The following DPPA2 variants were observed in gnomAD, a reference collection of about 807,000 sequenced individuals.
The protein encoded by DPPA2 is developmental pluripotency-associated protein 2.
DPPA2 carries 26 observed loss-of-function variants against 36.2 expected under a neutral mutation model. That is an observed-to-expected ratio of 0.72 (90% CI 0.53 to 1.00). The LOEUF (loss-of-function observed/expected upper bound fraction) is 1.00. Among genes scored for constraint, DPPA2 ranks in the 50% least tolerant of loss-of-function variants. The probability of loss-of-function intolerance (pLI) is 0.00; values close to 1 mark genes in which losing one functional copy is unlikely to be tolerated. For synonymous variants in DPPA2, 113 were observed against 123.2 expected (o/e 0.92, Z 0.55); for missense variants, 361 against 365.1 (o/e 0.99, Z 0.09).
At chr3:109,304,787 A>T in intron 6 of DPPA2, 117 bp from the exon 7 acceptor site, 1 of 1,002,750 alleles carries the variant, frequency 1.0e-6, no homozygotes, top group Non-Finnish European at 1.4e-6. Context: ...ATTGAATGAG[A>T]TGCATGAAAA....
At chr3:109,314,409 C>A in intron 2 of DPPA2, 101 bp downstream of exon 2, 1 of 1,234,710 alleles carries the variant, frequency 8.1e-7, no homozygotes, top group South Asian at 1.9e-5. Context: ...TTTCTTACAT[C>A]CAGGAATGAA....
rs1467145247 is a variant in DPPA2, at chr3:109,312,397, G to C, written c.181+148C>G. ...TGGGCTTAGCAAGCGAGAAGTATGAGAGTTTGCAAAATTTCTTAACACAGA... is the reference window on the plus strand; with the variant it reads ...TGGGCTTAGCAAGCGAGAAGTATGACAGTTTGCAAAATTTCTTAACACAGA... On this transcript the variant is annotated intron_variant, in intron 3 of 8. Coordinates refer to ENST00000478945, the MANE Select transcript of DPPA2 (RefSeq NM_138815.4). 5 of 976,556 alleles carry C rather than the reference G, an allele frequency of 5.1e-6. No homozygotes were observed. The East Asian group carries it at 7.4e-5, about 14-fold the overall frequency. 60.5% of individuals were successfully genotyped at this position (976,556 alleles called of 1,614,324 possible).
At position 109,309,150 on chromosome 3, in the gene DPPA2, A is replaced by T. The variant is rs147277053; in HGVS notation, c.342+20T>A. The T allele has an allele frequency of 3.9e-3, 6,274 of 1,614,162 alleles. 57 individuals are homozygous for T. The highest frequency in any genetic ancestry group is 3.4e-3 in the Non-Finnish European group (4,059 of 1,180,028). On this transcript the variant is annotated intron_variant, in intron 4 of 8. Transcript: ENST00000478945. ...CCCATAATTATTCCCAGCAGCAGAT[A>T]TTCACCCAAGTGTACTAACCTTGCC... is the stretch of plus-strand genomic sequence containing the variant.
At chr3:109,309,105 G>A (rs760166607) in intron 4 of DPPA2, 26 bp from the exon 5 acceptor site, 1 of 1,614,128 alleles carries the variant, frequency 6.2e-7, no homozygotes, top group Non-Finnish European at 8.5e-7. Flanking sequence ...GAGAGATTAA[G>A]TTAAAAGTTG....
chr3:109,312,446 G>A, intron 3 of DPPA2, 99 bp downstream of exon 3: 2 of 1,387,708 alleles, frequency 1.4e-6, no homozygotes. Flanking sequence ...ATTTAAGCTG[G>A]GTGTTGTATA....
chr3:109,308,345 A>T (rs1195174728), intron 5 of DPPA2, 52 bp from the exon 6 acceptor site: 13 of 1,560,440 alleles, frequency 8.3e-6, no homozygotes, highest in Non-Finnish European at 1.0e-5. Context: ...GGCTGTAAGG[A>T]CTTTTGGGTC....
At chr3:109,305,802 A>G (rs1281147907) in intron 6 of DPPA2, among the ~76,000 whole-genome samples, 1 of 151,390 alleles carries the variant, frequency 6.6e-6, no homozygotes, top group Non-Finnish European at 1.5e-5. Flanking sequence ...ACGCGTAAGG[A>G]ACAATTTAAG....
intron 8 of DPPA2, among the ~76,000 whole-genome samples, chr3:109,294,748 G>C (rs781528253): frequency 6.6e-6 from 1 of 152,156 alleles, no homozygotes; most frequent in African/African-American, 2.4e-5. Flanking sequence ...TATTAGCTGG[G>C]CGCGGCGGCT....
intron 2 of DPPA2, 125 bp from the exon 3 acceptor site, chr3:109,312,817 G>C (rs1707733696): frequency 6.7e-6 from 8 of 1,198,604 alleles, no homozygotes; most frequent in Non-Finnish European, 9.2e-6. Flanking sequence ...AGAATTACTG[G>C]GATTCCTAGA....
At chr3:109,313,824 A>C (rs1707747067) in intron 2 of DPPA2, among the ~76,000 whole-genome samples, 1 of 152,202 alleles carries the variant, frequency 6.6e-6, no homozygotes, top group African/African-American at 2.4e-5. Flanking sequence ...TATTTAGGGA[A>C]TACTACTCTA....
chr3:109,314,424 T>C, intron 2 of DPPA2, 86 bp downstream of exon 2: 3 of 1,357,540 alleles, frequency 2.2e-6, no homozygotes, highest in Admixed American at 2.1e-5. Context: ...AATGAAGATT[T>C]GTGGTAAAAG....
intron 6 of DPPA2, among the ~76,000 whole-genome samples, chr3:109,305,023 G>A (rs1195599563): frequency 6.6e-6 from 1 of 152,080 alleles, no homozygotes; most frequent in Non-Finnish European, 1.5e-5. Flanking sequence ...GCACATGCCT[G>A]TAATCCCAGC....
chr3:109,296,266 A>C (rs568326414), intron 8 of DPPA2, among the ~76,000 whole-genome samples: 1 of 152,282 alleles, frequency 6.6e-6, no homozygotes, highest in East Asian at 1.9e-4. Context: ...CAAATAGAAA[A>C]TCGTAAAAGT....
At chr3:109,294,736 T>C (rs1396521463) in intron 8 of DPPA2, among the ~76,000 whole-genome samples, 5 of 152,192 alleles carry the variant, frequency 3.3e-5, no homozygotes, top group Non-Finnish European at 7.3e-5. Context: ...AGAAAAACTG[T>C]TTATTAGCTG....
intron 2 of DPPA2, among the ~76,000 whole-genome samples, chr3:109,313,856 C>A (rs550978446): frequency 5.9e-5 from 9 of 152,244 alleles, no homozygotes; most frequent in Admixed American, 1.3e-4. Context: ...AGTAGGGGCT[C>A]AAAGCAGCTA....
intron 3 of DPPA2, among the ~76,000 whole-genome samples, chr3:109,311,462 G>A (rs527608745): frequency 1.2e-4 from 19 of 152,122 alleles, no homozygotes; most frequent in Non-Finnish European, 2.2e-4. Context: ...TATTTGGGCC[G>A]GTCGCAGTGG....
In DPPA2 at chr3:109,315,676, A is replaced by G. The variant is rs558313218; in HGVS notation, c.-14+608T>C. Among the ~76,000 whole-genome samples, 8 of 152,222 alleles carry G rather than the reference A, an allele frequency of 5.3e-5. No individual in the cohort carries two copies. The South Asian group carries it at 1.5e-3, about 28-fold the overall frequency. On this transcript the variant is annotated intron_variant, in intron 1 of 8. Transcript: ENST00000478945. ...GAAAATGATTTGGTCCATTAATCTC[A>G]GGACCCAGGGTGACCATGGTCCATT...
chr3:109,305,100 C>G (rs1707530839), intron 6 of DPPA2, among the ~76,000 whole-genome samples: 1 of 151,948 alleles, frequency 6.6e-6, no homozygotes, highest in Admixed American at 6.6e-5. Flanking sequence ...GAGCTGAGAT[C>G]ACACCACTGC....
At chr3:109,302,739 G>A (rs1437817750) in intron 7 of DPPA2, among the ~76,000 whole-genome samples, 8 of 130,826 alleles carry the variant, frequency 6.1e-5, no homozygotes, top group Non-Finnish European at 1.3e-4. Flanking sequence ...GGTGTGAGCC[G>A]ATTTAGCCCA....
Sources: allele counts gnomAD v4.1 joint callset (sites outside exome capture counted in the v4.1 genomes callset), GRCh38; gene constraint gnomAD v4.1.1; transcripts MANE v1.5; gene names NCBI Gene and HGNC (gene_info 2026-07-23, HGNC 2026-07-21).